CYP7B1: variants seen among roughly 807,000 people sequenced by gnomAD.
The protein encoded by CYP7B1 is cytochrome P450 7B1.
Under a neutral mutation model 42.7 loss-of-function variants are expected in CYP7B1, and 29 were observed. The ratio of observed to expected loss-of-function variants is 0.68; its 90% confidence interval spans 0.51 to 0.93. CYP7B1 has a LOEUF of 0.93. Among genes scored for constraint, CYP7B1 ranks in the 40% least tolerant of loss-of-function variants. The probability of loss-of-function intolerance (pLI) is 0.00; values close to 1 mark genes in which losing one functional copy is unlikely to be tolerated. For synonymous variants in CYP7B1, 235 were observed against 218.2 expected, an observed-to-expected ratio of 1.08 and a Z score of -0.68; for missense variants, 655 against 600.5, an observed-to-expected ratio of 1.09 and a Z score of -0.95.
intron 4 of CYP7B1, among the ~76,000 whole-genome samples, chr8:64,605,866 A>G (rs759533861): frequency 3.3e-5 from 5 of 152,204 alleles, no homozygotes; most frequent in Non-Finnish European, 5.9e-5. Flanking sequence ...ACACACACAC[A>G]CAGAGCCCCG....
chr8:64,756,089 A>C (rs1241873129), intron 1 of CYP7B1, among the ~76,000 whole-genome samples: 1 of 152,192 alleles, frequency 6.6e-6, no homozygotes, highest in East Asian at 1.9e-4. Flanking sequence ...TAACCAGAGA[A>C]AGAAGTGTCT....
In CYP7B1 at chr8:64,706,568, G is replaced by A. The variant is rs562075608; in HGVS notation, c.123-82029C>T. ...ATGAAAGTTGCAGCAAGAAATCCTG[G>A]TTGCATCAGGAAAATAGAAGTTCTT... On this transcript the variant is annotated intron_variant, in intron 1 of 5. Transcript: ENST00000310193. 4.9e-4 allele frequency among the ~76,000 whole-genome samples: 74 copies of A among 152,008 alleles called. 1 individual carries two copies. The highest frequency in any genetic ancestry group is 1.5e-3 in the African/African-American group (62 of 41,486).
At chr8:64,716,600 A>C (rs1377609834) in intron 1 of CYP7B1, among the ~76,000 whole-genome samples, 2 of 152,082 alleles carry the variant, frequency 1.3e-5, no homozygotes, top group Non-Finnish European at 2.9e-5. Flanking sequence ...ACAGCTACTC[A>C]GGAGCCTGGG....
intron 1 of CYP7B1, among the ~76,000 whole-genome samples, chr8:64,724,705 C>T (rs747861757): frequency 2.4e-4 from 36 of 152,052 alleles, no homozygotes; most frequent in Non-Finnish European, 5.1e-4. Flanking sequence ...AAGTATGATG[C>T]TTTGGTGTGC....
chr8:64,680,134 C>T (rs771588751), intron 1 of CYP7B1, among the ~76,000 whole-genome samples: 1 of 151,956 alleles, frequency 6.6e-6, no homozygotes, highest in African/African-American at 2.4e-5. Flanking sequence ...TAGATTCTAC[C>T]TACAAGTGAG....
At chr8:64,665,371 C>T (rs762133364) in intron 1 of CYP7B1, among the ~76,000 whole-genome samples, 13 of 151,852 alleles carry the variant, frequency 8.6e-5, no homozygotes, top group Non-Finnish European at 1.0e-4. Context: ...AGGAGGGGTC[C>T]TTTTATATGT....
chr8:64,607,267 CAG>C lies in CYP7B1; in HGVS notation c.1058-2412_1058-2411del, dbSNP rs1182230726. Among the ~76,000 whole-genome samples, 5 of 152,094 alleles carry C rather than the reference CAG, an allele frequency of 3.3e-5. No individual in the cohort carries two copies. The East Asian group carries it at 9.7e-4, about 29-fold the overall frequency. ...AGGTTTTTATTTGATAAGGTGTTGT[CAG>C]AGAGATTTTACATGTTTCCAAAGTG... On this transcript the variant is annotated intron_variant, in intron 4 of 5. Transcript: ENST00000310193.
At chr8:64,604,551 G>T (rs1805246967) in intron 5 of CYP7B1, 131 bp downstream of exon 5, 2 of 885,376 alleles carry the variant, frequency 2.3e-6, no homozygotes. Flanking sequence ...TTATTAGGAG[G>T]AATAATAGAA....
intron 1 of CYP7B1, among the ~76,000 whole-genome samples, chr8:64,642,386 T>C (rs866979515): frequency 1.3e-5 from 2 of 152,202 alleles, no homozygotes; most frequent in African/African-American, 4.8e-5. Context: ...CTTCCTGTTT[T>C]ATTTTTTCTC....
chr8:64,726,122 C>G (rs1807320580), intron 1 of CYP7B1, among the ~76,000 whole-genome samples: 1 of 152,138 alleles, frequency 6.6e-6, no homozygotes, highest in African/African-American at 2.4e-5. Context: ...ATATAGATCC[C>G]TTTTATGGAA....
At chr8:64,724,209 G>A (rs760895514) in intron 1 of CYP7B1, among the ~76,000 whole-genome samples, 2 of 151,942 alleles carry the variant, frequency 1.3e-5, no homozygotes, top group Admixed American at 6.6e-5. Flanking sequence ...GCGCAATCTC[G>A]ATACACTGCA....
intron 2 of CYP7B1, among the ~76,000 whole-genome samples, chr8:64,620,693 G>A (rs529879223): frequency 9.9e-5 from 15 of 152,258 alleles, no homozygotes; most frequent in Non-Finnish European, 1.5e-4. Context: ...GAGCTACTTT[G>A]CAAACTGATC....
At chr8:64,648,007 G>T (rs765474734) in intron 1 of CYP7B1, among the ~76,000 whole-genome samples, 1 of 152,174 alleles carries the variant, frequency 6.6e-6, no homozygotes, top group Non-Finnish European at 1.5e-5. Flanking sequence ...TTAATCAATG[G>T]ATTAATCAAT....
chr8:64,610,808 G>C (rs750072641), intron 4 of CYP7B1, among the ~76,000 whole-genome samples: 1 of 151,970 alleles, frequency 6.6e-6, no homozygotes, highest in African/African-American at 2.4e-5. Context: ...TGTCTGAGGC[G>C]ACAGTCATTA....
chr8:64,600,911 CA>C (rs762426246), intron 5 of CYP7B1, among the ~76,000 whole-genome samples: 1 of 152,104 alleles, frequency 6.6e-6, no homozygotes, highest in Non-Finnish European at 1.5e-5. Flanking sequence ...CCCTATACTG[CA>C]AGTTTGTAGG....
chr8:64,650,583 G>A (rs1448269711), intron 1 of CYP7B1, among the ~76,000 whole-genome samples: 1 of 152,160 alleles, frequency 6.6e-6, no homozygotes, highest in Non-Finnish European at 1.5e-5. Flanking sequence ...AGGAGGCAGA[G>A]GTTGCAGTGA....
In CYP7B1 at chr8:64,593,545, T is replaced by G. The variant is rs1388727642; in HGVS notation, c.*3097A>C. 1.3e-5 allele frequency among the ~76,000 whole-genome samples: 2 copies of G among 151,682 alleles called. No individual in the cohort carries two copies. Among genetic ancestry groups the G allele is most frequent in the Non-Finnish European group, 2.9e-5 (2 of 68,024 alleles). On this transcript the variant is annotated 3_prime_UTR_variant, in exon 6 of 6. Coordinates refer to ENST00000310193, the MANE Select transcript of CYP7B1 (RefSeq NM_004820.5). The stretch of plus-strand genomic sequence containing the variant: ...GCGTTCCCTCCCCACTCCCAGATAA[T>G]CAAGCTGAAATTTTAAGGTGATCTG...
chr8:64,672,602 A>C (rs1333325116), intron 1 of CYP7B1, among the ~76,000 whole-genome samples: 2 of 152,120 alleles, frequency 1.3e-5, no homozygotes, highest in East Asian at 1.9e-4. Context: ...AATGTGGAGA[A>C]AAAGTTGGCA....
chr8:64,655,707 GCA>G (rs1806110887), intron 1 of CYP7B1, among the ~76,000 whole-genome samples: 1 of 152,104 alleles, frequency 6.6e-6, no homozygotes, highest in African/African-American at 2.4e-5. Context: ...AAAGACACAT[GCA>G]CACAGATGTT....
Sources: gnomAD v4.1 joint callset for allele counts (sites outside exome capture counted in the v4.1 genomes callset) on GRCh38, gnomAD v4.1.1 for gene constraint, MANE v1.5 for transcripts, NCBI Gene and HGNC (gene_info 2026-07-23, HGNC 2026-07-21) for gene names.